COL25A1: variants seen among roughly 807,000 people sequenced by gnomAD.
The protein encoded by COL25A1 is collagen type XXV alpha 1 chain.
Under a neutral mutation model 128.4 loss-of-function variants are expected in COL25A1, and 103 were observed. That is an observed-to-expected ratio of 0.80 (90% CI 0.68 to 0.94). The LOEUF (loss-of-function observed/expected upper bound fraction) is 0.94, where lower values mean the gene tolerates loss of function less well. COL25A1 is among the 40% of genes least tolerant of loss of function. The pLI is 0.00. For missense variants in COL25A1, 745 were observed against 840.0 expected (o/e 0.89, Z 1.40); for synonymous variants, 279 against 277.2 (o/e 1.01, Z -0.06).
At chr4:109,131,229 T>G (rs1769165425) in intron 3 of COL25A1, among the ~76,000 whole-genome samples, 1 of 152,220 alleles carries the variant, frequency 6.6e-6, no homozygotes, top group Non-Finnish European at 1.5e-5. Context: ...AAAGTACTAT[T>G]AAATTTAATG....
chr4:109,209,894 T>C (rs753539250), intron 3 of COL25A1, among the ~76,000 whole-genome samples: 6 of 151,834 alleles, frequency 4.0e-5, no homozygotes, highest in South Asian at 2.1e-4. Context: ...CAACTAAAAA[T>C]AGAAAAATTA....
At chr4:109,107,315 C>T (rs1353060083) in intron 3 of COL25A1, among the ~76,000 whole-genome samples, 1 of 151,950 alleles carries the variant, frequency 6.6e-6, no homozygotes, top group Non-Finnish European at 1.5e-5. Context: ...ATTGAAGGTC[C>T]TCAGGAGTTA....
At position 108,852,186 on chromosome 4, in the gene COL25A1, T is replaced by C. The variant is rs562118723; in HGVS notation, c.1389+50A>G. 4.8e-4 allele frequency: 652 copies of C among 1,364,894 alleles called. 6 individuals are homozygous for C. In the South Asian group the frequency reaches 7.5e-3, roughly 16 times the overall value. The allele number at this position is 1,364,894 out of a possible 1,614,324, so 84.5% of individuals were successfully genotyped here. A position where few individuals can be genotyped will look rare whatever the true frequency, so the allele number is the denominator to read the frequency against. ...TCAAAGATGCATATACTTAATACGG[T>C]ATTCCCTGCACTGTATGTGATAAAT... On this transcript the variant is annotated intron_variant, in intron 26 of 37. Coordinates refer to ENST00000399132, the MANE Select transcript of COL25A1 (RefSeq NM_198721.4).
At chr4:109,125,330 T>C (rs898888066) in intron 3 of COL25A1, among the ~76,000 whole-genome samples, 8 of 152,114 alleles carry the variant, frequency 5.3e-5, no homozygotes, top group South Asian at 4.1e-4. Context: ...AATTTATCCC[T>C]AGTGACAGGG....
intron 3 of COL25A1, among the ~76,000 whole-genome samples, chr4:109,273,409 C>T (rs898453371): frequency 8.5e-5 from 13 of 152,138 alleles, no homozygotes; most frequent in African/African-American, 2.4e-4. Context: ...TTATACAGTC[C>T]TATAGAAGGA....
intron 5 of COL25A1, among the ~76,000 whole-genome samples, chr4:109,033,698 A>G (rs1759079328): frequency 6.6e-6 from 1 of 152,166 alleles, no homozygotes; most frequent in Non-Finnish European, 1.5e-5. Flanking sequence ...AATGAGAAAT[A>G]TTAGTTCATT....
At chr4:108,830,742 T>C (rs745734724) in intron 32 of COL25A1, among the ~76,000 whole-genome samples, 1 of 152,270 alleles carries the variant, frequency 6.6e-6, no homozygotes, top group Non-Finnish European at 1.5e-5. Context: ...TGTGGAGCTA[T>C]CGGAAGTAGC....
intron 31 of COL25A1, chr4:108,834,363 C>T: frequency 9.7e-6 from 15 of 1,550,544 alleles, no homozygotes; most frequent in Non-Finnish European, 1.3e-5. Context: ...ACCCGGGATC[C>T]TGGCTTTCCG....
intron 13 of COL25A1, among the ~76,000 whole-genome samples, chr4:108,903,156 T>C (rs562529610): frequency 1.3e-5 from 2 of 152,002 alleles, no homozygotes; most frequent in African/African-American, 2.4e-5. Flanking sequence ...CTGCATAACA[T>C]TCTCCTTAAT....
intron 3 of COL25A1, among the ~76,000 whole-genome samples, chr4:109,287,934 T>A (rs982503991): frequency 3.3e-5 from 5 of 152,094 alleles, no homozygotes; most frequent in African/African-American, 1.2e-4. Flanking sequence ...AAACAAATCT[T>A]TCGAAGTATG....
chr4:109,089,885 G>T (rs1365216060), intron 3 of COL25A1, among the ~76,000 whole-genome samples: 1 of 151,834 alleles, frequency 6.6e-6, no homozygotes, highest in Admixed American at 6.6e-5. Context: ...GATTACAGGT[G>T]TGAGCCACCA....
At chr4:108,816,981 T>C (rs1009641391) in intron 37 of COL25A1, among the ~76,000 whole-genome samples, 3 of 152,218 alleles carry the variant, frequency 2.0e-5, no homozygotes, top group Admixed American at 6.5e-5. Context: ...ATGATGCTTA[T>C]ATTTTTCTGC....
At chr4:109,082,025 C>T (rs1763891773) in intron 3 of COL25A1, among the ~76,000 whole-genome samples, 1 of 152,152 alleles carries the variant, frequency 6.6e-6, no homozygotes, top group Admixed American at 6.5e-5. Context: ...TTTTCTATCT[C>T]TACAGATTTG....
At chr4:109,209,660 T>G (rs993302787) in intron 3 of COL25A1, among the ~76,000 whole-genome samples, 1 of 152,182 alleles carries the variant, frequency 6.6e-6, no homozygotes, top group Non-Finnish European at 1.5e-5. Context: ...AAATACAGAC[T>G]ATTTCTACGT....
chr4:109,067,668 T>G (rs1462075540), intron 3 of COL25A1, among the ~76,000 whole-genome samples: 1 of 152,212 alleles, frequency 6.6e-6, no homozygotes, highest in Non-Finnish European at 1.5e-5. Context: ...GGGAGTAGTT[T>G]ATGTACTAAG....
intron 3 of COL25A1, among the ~76,000 whole-genome samples, chr4:109,200,399 T>A (rs560796688): frequency 1.6e-4 from 24 of 152,208 alleles, no homozygotes; most frequent in Non-Finnish European, 3.2e-4. Context: ...GCTCTTTGCT[T>A]TTTCAATTTT....
intron 5 of COL25A1, among the ~76,000 whole-genome samples, chr4:109,031,878 C>A (rs1338564785): frequency 6.6e-6 from 1 of 152,176 alleles, no homozygotes; most frequent in East Asian, 1.9e-4. Flanking sequence ...TCACCTCTTT[C>A]CAAAGCTTTG....
intron 13 of COL25A1, among the ~76,000 whole-genome samples, chr4:108,902,464 T>C (rs1578711028): frequency 6.6e-6 from 1 of 152,120 alleles, no homozygotes; most frequent in South Asian, 2.1e-4. Context: ...CGAATGTATC[T>C]AGGAATTGGG....
At chr4:108,914,655 T>A (rs1296707764) in intron 13 of COL25A1, among the ~76,000 whole-genome samples, 5 of 108,080 alleles carry the variant, frequency 4.6e-5, no homozygotes, top group African/African-American at 2.1e-4. Context: ...GCTGAAACTT[T>A]TTTTTTTTTT....
Sources: gnomAD v4.1 joint callset for allele counts (sites outside exome capture counted in the v4.1 genomes callset) on GRCh38, gnomAD v4.1.1 for gene constraint, MANE v1.5 for transcripts, NCBI Gene and HGNC (gene_info 2026-07-23, HGNC 2026-07-21) for gene names.